CDH13: variants seen among roughly 807,000 people sequenced by gnomAD.
CDH13 encodes the protein cadherin 13.
A neutral mutation model predicts 63.8 loss-of-function variants in CDH13; 24 were observed. The observed-to-expected ratio is 0.38, with a 90% CI of 0.27 to 0.53. The LOEUF is 0.53. Ranked by LOEUF, CDH13 falls within the 20% of genes least tolerant of loss-of-function variation. CDH13 has a pLI of 0.85. For synonymous variants in CDH13, 503 were observed against 355.3 expected (o/e 1.42, Z -4.67); for missense variants, 1,049 against 903.1 (o/e 1.16, Z -2.07).
At chr16:83,350,102 G>A (rs1222542553) in intron 6 of CDH13, among the ~76,000 whole-genome samples, 1 of 152,150 alleles carries the variant, frequency 6.6e-6, no homozygotes, top group African/African-American at 2.4e-5. Flanking sequence ...TTAATTTCCA[G>A]GCACTTGCCG....
At chr16:83,068,304 C>G (rs2032173445) in intron 3 of CDH13, among the ~76,000 whole-genome samples, 1 of 152,184 alleles carries the variant, frequency 6.6e-6, no homozygotes, top group Non-Finnish European at 1.5e-5. Context: ...TTCATCCCCA[C>G]TTTATTATCT....
chr16:82,702,254 C>T (rs954865154), intron 1 of CDH13, among the ~76,000 whole-genome samples: 1 of 152,152 alleles, frequency 6.6e-6, no homozygotes, highest in East Asian at 1.9e-4. Flanking sequence ...CCCAAAAAGC[C>T]TCCTTAAACT....
intron 7 of CDH13, among the ~76,000 whole-genome samples, chr16:83,503,845 C>T (rs1462742315): frequency 6.6e-6 from 1 of 151,740 alleles, no homozygotes; most frequent in Non-Finnish European, 1.5e-5. Flanking sequence ...TATAGGTTGC[C>T]TGTTCATTCT....
chr16:83,417,159 A>G (rs976962083), intron 6 of CDH13, among the ~76,000 whole-genome samples: 10 of 152,180 alleles, frequency 6.6e-5, no homozygotes, highest in African/African-American at 2.4e-4. Flanking sequence ...CAGTTTCCCC[A>G]AGATCAAAGA....
intron 4 of CDH13, among the ~76,000 whole-genome samples, chr16:83,201,941 T>C (rs553710177): frequency 6.6e-6 from 1 of 152,110 alleles, no homozygotes; most frequent in East Asian, 1.9e-4. Context: ...GATTGAGTAA[T>C]GTCAGAGAAG....
chr16:83,158,034 C>G (rs894563388), intron 4 of CDH13, among the ~76,000 whole-genome samples: 2 of 152,124 alleles, frequency 1.3e-5, no homozygotes, highest in Non-Finnish European at 2.9e-5. Context: ...TTCCAGGTAT[C>G]ATGCACCTTT....
At chr16:82,803,101 G>A (rs2199430) in intron 1 of CDH13, among the ~76,000 whole-genome samples, 96,647 of 152,014 alleles carry the variant, frequency 0.64, 31,141 homozygotes, top group South Asian at 0.72. Context: ...ATAAAAAGGC[G>A]AAGACTGTAT....
intron 8 of CDH13, among the ~76,000 whole-genome samples, chr16:83,648,799 C>G (rs976796624): frequency 6.6e-5 from 10 of 152,032 alleles, no homozygotes; most frequent in African/African-American, 2.4e-4. Context: ...TTATTTTCTT[C>G]CTTATCTATC....
intron 1 of CDH13, among the ~76,000 whole-genome samples, chr16:82,688,756 T>C (rs920154828): frequency 6.6e-6 from 1 of 152,230 alleles, no homozygotes; most frequent in Non-Finnish European, 1.5e-5. Flanking sequence ...TTTGTTGTTA[T>C]TGTTATTTAC....
chr16:82,916,290 C>T (rs1045573989), intron 2 of CDH13, among the ~76,000 whole-genome samples: 1 of 152,062 alleles, frequency 6.6e-6, no homozygotes, highest in Admixed American at 6.6e-5. Flanking sequence ...AAAAGGAAGA[C>T]CCTGGCCGGG....
intron 1 of CDH13, among the ~76,000 whole-genome samples, chr16:82,634,365 T>G (rs1641924125): frequency 6.6e-6 from 1 of 152,230 alleles, no homozygotes. Context: ...AGCTTGAGCT[T>G]CTGTGATTGT....
At chr16:83,215,795 CTTTCT>C (rs1015883588) in intron 4 of CDH13, among the ~76,000 whole-genome samples, 3 of 152,092 alleles carry the variant, frequency 2.0e-5, no homozygotes, top group Non-Finnish European at 4.4e-5. Flanking sequence ...TCTGTATCAG[CTTTCT>C]TTTATCTGTG....
chr16:83,469,695 C>T (rs2073406865), intron 6 of CDH13, among the ~76,000 whole-genome samples: 1 of 152,152 alleles, frequency 6.6e-6, no homozygotes, highest in African/African-American at 2.4e-5. Context: ...CTGGCATCCA[C>T]AGCACTAGCA....
chr16:83,663,345 C>T (rs761808373), intron 8 of CDH13, among the ~76,000 whole-genome samples: 13 of 152,088 alleles, frequency 8.5e-5, no homozygotes, highest in African/African-American at 3.1e-4. Context: ...TACTCAAAAC[C>T]GCTAAGATTT....
chr16:82,831,515 AAACAACTCC>A (rs911751779), intron 1 of CDH13, among the ~76,000 whole-genome samples: 22 of 152,164 alleles, frequency 1.4e-4, no homozygotes, highest in African/African-American at 5.3e-4. Context: ...GCAGCAAAGG[AAACAACTCC>A]AACAATGACA....
intron 1 of CDH13, among the ~76,000 whole-genome samples, chr16:82,819,842 C>G (rs1236787714): frequency 6.6e-6 from 1 of 152,094 alleles, no homozygotes; most frequent in African/African-American, 2.4e-5. Context: ...GAAGAGACAA[C>G]TAATATATAA....
At chr16:83,272,704 C>T (rs971383428) in intron 5 of CDH13, among the ~76,000 whole-genome samples, 3 of 152,154 alleles carry the variant, frequency 2.0e-5, no homozygotes, top group Non-Finnish European at 4.4e-5. Context: ...GGAAAAACTA[C>T]TCCCAATTCA....
At chr16:82,972,634 A>T (rs975023295) in intron 2 of CDH13, among the ~76,000 whole-genome samples, 1 of 152,232 alleles carries the variant, frequency 6.6e-6, no homozygotes, top group Admixed American at 6.5e-5. Context: ...ATTGCCAAGG[A>T]TAGTGCCTGT....
At chr16:83,413,512 A>G (rs1292321006) in intron 6 of CDH13, among the ~76,000 whole-genome samples, 1 of 152,212 alleles carries the variant, frequency 6.6e-6, no homozygotes, top group Non-Finnish European at 1.5e-5. Context: ...TCATTATGCA[A>G]TGCGGTAATG....
Sources: allele counts gnomAD v4.1 joint callset (sites outside exome capture counted in the v4.1 genomes callset), GRCh38; gene constraint gnomAD v4.1.1; transcripts MANE v1.5; gene names NCBI Gene and HGNC (gene_info 2026-07-23, HGNC 2026-07-21).